IL4I1: variants seen among roughly 807,000 people sequenced by gnomAD.
IL4I1 encodes L-amino-acid oxidase.
Under a neutral mutation model 29.7 loss-of-function variants are expected in IL4I1, and 24 were observed. The observed-to-expected ratio is 0.81, with a 90% CI of 0.59 to 1.14. The LOEUF (loss-of-function observed/expected upper bound fraction) is 1.14. Ranked by LOEUF, IL4I1 falls within the 50% of genes most tolerant of loss-of-function variation. The pLI is 0.00. For synonymous variants in IL4I1, 371 were observed against 352.5 expected, an observed-to-expected ratio of 1.05 and a Z score of -0.59; for missense variants, 686 against 785.6, an observed-to-expected ratio of 0.87 and a Z score of 1.52.
intron 2 of IL4I1, chr19:49,907,279 T>C: frequency 3.4e-6 from 1 of 297,846 alleles, no homozygotes; most frequent in Non-Finnish European, 6.5e-6. Flanking sequence ...TTCGGGTAGC[T>C]GGGAAGGCTT....
At chr19:49,906,795 C>T (rs2075331386) in intron 2 of IL4I1, 1 of 152,252 alleles carries the variant, frequency 6.6e-6, no homozygotes, top group South Asian at 2.1e-4. Context: ...GCTTTCTCCT[C>T]CTAACATTTA....
At chr19:49,908,249 G>A (rs2075366845) in intron 2 of IL4I1, 1 of 1,613,266 alleles carries the variant, frequency 6.2e-7, no homozygotes, top group East Asian at 2.2e-5. Flanking sequence ...TCAGTCAAAG[G>A]TGATCCGGAA....
At chr19:49,908,306 T>A (rs775625244) in intron 2 of IL4I1, 1 of 1,613,866 alleles carries the variant, frequency 6.2e-7, no homozygotes, top group African/African-American at 1.3e-5. Flanking sequence ...CTTGGTCACC[T>A]CCTCCACCTT....
chr19:49,901,016 G>A (rs549280387), upstream of IL4I1, among the ~76,000 whole-genome samples: 3 of 152,198 alleles, frequency 2.0e-5, no homozygotes, highest in South Asian at 2.1e-4. Flanking sequence ...GCTGGGGACC[G>A]GGCCCCTGCC....
At chr19:49,904,075 T>TA in intron 3 of IL4I1, 1 of 152,074 alleles carries the variant, frequency 6.6e-6, no homozygotes, top group East Asian at 1.9e-4. Flanking sequence ...AGACCCCAAG[T>TA]AATCTACTCC....
At chr19:49,907,384 G>A (rs2075345351) in intron 2 of IL4I1, 1 of 362,688 alleles carries the variant, frequency 2.8e-6, no homozygotes. Context: ...CACCCTGTGT[G>A]TGCAGGCCCC....
Position 49,890,222 on chromosome 19 carries a change from G to A in IL4I1, c.1152C>T (p.Phe384=), listed in dbSNP as rs558577189. The A allele has an allele frequency of 2.6e-5, 40 of 1,554,242 alleles. No individual in the cohort carries two copies. The African/African-American group carries it at 3.0e-4, about 12-fold the overall frequency. The stretch of plus-strand genomic sequence containing the variant: ...GCGCGCCCTCGCGCGGCGGCGGGTA[G>A]AAAATCATGCGCGACGGGCGATCGG... ...SNTDRPSRMI[F]YPPPREGALL... is the part of the protein sequence containing the mutation. The change falls in exon 8 of 8, where the codon TTC becomes TTT. Residue 384 remains phenylalanine (F), a synonymous_variant. Coordinates refer to ENST00000391826, the MANE Select transcript of IL4I1 (RefSeq NM_152899.2).
intron 1 of IL4I1, 116 bp downstream of exon 1, chr19:49,896,719 C>G (rs1027375638): frequency 3.4e-6 from 2 of 596,022 alleles, no homozygotes; most frequent in Non-Finnish European, 4.2e-6. Flanking sequence ...CAGGCATGAG[C>G]CCCCGCGCCC....
chr19:49,904,035 G>A (rs760980422), intron 3 of IL4I1, among the ~76,000 whole-genome samples: 15 of 151,584 alleles, frequency 9.9e-5, no homozygotes, highest in Non-Finnish European at 1.8e-4. Context: ...ACGAGGTTTC[G>A]CCATGTTGCC....
At chr19:49,893,430 G>A (rs2075163914) in intron 5 of IL4I1, among the ~76,000 whole-genome samples, 1 of 152,004 alleles carries the variant, frequency 6.6e-6, no homozygotes, top group Non-Finnish European at 1.5e-5. Flanking sequence ...CTAGGGGTCT[G>A]CCCGTGACTG....
chr19:49,901,556 G>T, upstream of IL4I1: 3 of 920,428 alleles, frequency 3.3e-6, no homozygotes, highest in South Asian at 4.8e-5. Context: ...TCTTTGGCCT[G>T]ACCCCAGGAC....
intron 2 of IL4I1, among the ~76,000 whole-genome samples, chr19:49,922,451 C>T (rs746580093): frequency 6.6e-6 from 1 of 151,956 alleles, no homozygotes; most frequent in Non-Finnish European, 1.5e-5. Context: ...CACATGGGAC[C>T]GGGCTGTGTC....
At chr19:49,920,555 G>A (rs1029296382) in intron 2 of IL4I1, among the ~76,000 whole-genome samples, 10 of 152,228 alleles carry the variant, frequency 6.6e-5, no homozygotes, top group Admixed American at 2.0e-4. Context: ...CAACCAGGGG[G>A]TGCTGGGAAG....
intron 3 of IL4I1, 114 bp from the exon 4 acceptor site, chr19:49,895,294 A>C: frequency 1.3e-6 from 1 of 776,534 alleles, no homozygotes; most frequent in South Asian, 1.7e-5. Context: ...AGTGGCCCAG[A>C]CCCAGACTAG....
At chr19:49,893,848 G>A (rs951370757) in intron 5 of IL4I1, among the ~76,000 whole-genome samples, 4 of 151,926 alleles carry the variant, frequency 2.6e-5, no homozygotes, top group South Asian at 2.1e-4. Context: ...TTAGCTGGGC[G>A]TGGTGGCGGG....
At chr19:49,919,485 GA>G (rs2122711123) in intron 2 of IL4I1, among the ~76,000 whole-genome samples, 1 of 152,316 alleles carries the variant, frequency 6.6e-6, no homozygotes, top group Admixed American at 6.5e-5. Flanking sequence ...CAGAGGGGGC[GA>G]CTTGCCCAGG....
At position 49,890,451 on chromosome 19, in the gene IL4I1, C is replaced by T; in HGVS notation, c.923G>A (p.Arg308Gln). 1 of 1,611,846 alleles carries T rather than the reference C, an allele frequency of 6.2e-7. No individual in the cohort carries two copies. The highest frequency in any genetic ancestry group is 8.5e-7 in the Non-Finnish European group (1 of 1,179,798). The change falls in exon 8 of 8, where the codon CGG (arginine) becomes CAG (glutamine). Residue 308 changes from arginine (R) to glutamine (Q), a missense_variant. Transcript: ENST00000391826. The stretch of plus-strand genomic sequence containing the variant: ...GTCGGCCTTCAGCACCTTCAGATTC[C>T]GCGCCGGGGGAGAGGTCTCGATCTG... ...HVQIETSPPA[R>Q]NLKVLKADVV... is the part of the protein sequence containing the mutation.
chr19:49,905,685 C>G (rs373396758), intron 2 of IL4I1, among the ~76,000 whole-genome samples: 2 of 152,090 alleles, frequency 1.3e-5, no homozygotes, highest in South Asian at 2.1e-4. Context: ...CAACCTCCAC[C>G]TCTCGGGTTC....
chr19:49,908,146 C>T (rs775828349), intron 2 of IL4I1: 1 of 1,540,258 alleles, frequency 6.5e-7, no homozygotes, highest in South Asian at 1.2e-5. Flanking sequence ...AACAAACAAA[C>T]AAGTATCTTG....
Sources: allele counts gnomAD v4.1 joint callset (sites outside exome capture counted in the v4.1 genomes callset), GRCh38; gene constraint gnomAD v4.1.1; transcripts MANE v1.5; gene names NCBI Gene and HGNC (gene_info 2026-07-23, HGNC 2026-07-21).